Variants in PELI2 observed in about 807,000 individuals in gnomAD.
PELI2 encodes the protein pellino E3 ubiquitin protein ligase family member 2.
In PELI2, 23 loss-of-function variants were observed where a neutral mutation model predicts 42.3. The ratio of observed to expected loss-of-function variants is 0.54; its 90% CI spans 0.39 to 0.77. The LOEUF is 0.77. Ranked by LOEUF, PELI2 falls within the 30% of genes least tolerant of loss-of-function variation. The pLI, the probability that PELI2 is intolerant of heterozygous loss-of-function variation, is 0.00. For missense variants in PELI2, 463 were observed against 553.2 expected, an observed-to-expected ratio of 0.84 and a Z score of 1.64; for synonymous variants, 245 against 212.2, an observed-to-expected ratio of 1.15 and a Z score of -1.34.
At position 56,215,285 on chromosome 14, in the gene PELI2, C is replaced by T. The variant is rs1471999922; in HGVS notation, c.207+36821C>T. 3.9e-5 allele frequency among the ~76,000 whole-genome samples: 6 copies of T among 152,320 alleles called. No individual in the cohort carries two copies. The South Asian group carries it at 8.3e-4, about 21-fold the overall frequency. On this transcript the variant is annotated intron_variant, in intron 2 of 5. Transcript: ENST00000267460. ...TTTAATGTGTCTTGGAGGCTACACC[C>T]TTTTCATGGGCACCAAGGGGTTTGG...
chr14:56,119,934 T>C, intron 1 of PELI2: 1 of 648,532 alleles, frequency 1.5e-6, no homozygotes, highest in Non-Finnish European at 1.9e-6. Context: ...CGTGTTTTGA[T>C]AAGTGAGTGC....
At chr14:56,132,865 T>G (rs1448065586) in intron 1 of PELI2, among the ~76,000 whole-genome samples, 1 of 152,204 alleles carries the variant, frequency 6.6e-6, no homozygotes, top group Non-Finnish European at 1.5e-5. Flanking sequence ...TCTCATTGAT[T>G]CCTACAACTT....
rs147820715 is a variant in PELI2, at chr14:56,151,667, A to G, written c.78-26668A>G. On this transcript the variant is annotated intron_variant, in intron 1 of 5. Coordinates refer to ENST00000267460, the MANE Select transcript of PELI2 (RefSeq NM_021255.3). ...TGAGGATATTAACAGGGCCTCCCCT[A>G]TAAGTTTGAGATTAACTGAGTTATT... Among the ~76,000 whole-genome samples, 334 of 152,334 alleles carry G rather than the reference A, an allele frequency of 2.2e-3. 1 individual carries two copies. Among genetic ancestry groups the G allele is most frequent in the Middle Eastern group, 0.01 (3 of 294 alleles).
intron 2 of PELI2, among the ~76,000 whole-genome samples, chr14:56,240,525 T>C (rs76049415): frequency 0.013 from 1,960 of 152,112 alleles, 18 homozygotes; most frequent in Non-Finnish European, 0.019. Flanking sequence ...GGTTGGTCAG[T>C]GAGGGGGTAA....
intron 2 of PELI2, among the ~76,000 whole-genome samples, chr14:56,183,438 GA>G (rs201827998): frequency 6.6e-6 from 1 of 151,830 alleles, no homozygotes; most frequent in Non-Finnish European, 1.5e-5. Flanking sequence ...CAAGGCAAAG[GA>G]AAAAAAATTT....
At position 56,219,830 on chromosome 14, in the gene PELI2, C is replaced by T. The variant is rs116838963; in HGVS notation, c.207+41366C>T. The stretch of plus-strand genomic sequence containing the variant: ...GTTTGTAACTTGCCCCATTCCACAG[C>T]GGACTTGAGGCAGCTGACATTCTTA... On this transcript the variant is annotated intron_variant, in intron 2 of 5. Coordinates refer to ENST00000267460, the MANE Select transcript of PELI2 (RefSeq NM_021255.3). This position sits in a 1 kb window ranked among gnomAD's most constrained non-coding sequence, Gnocchi z 4.1. Among the ~76,000 whole-genome samples, 909 of 152,262 alleles carry T rather than the reference C, an allele frequency of 6.0e-3. 10 individuals carry two copies. Among genetic ancestry groups the T allele is most frequent in the African/African-American group, 0.021 (865 of 41,554 alleles).
At chr14:56,226,676 C>T (rs1460719046) in intron 2 of PELI2, among the ~76,000 whole-genome samples, 1 of 152,168 alleles carries the variant, frequency 6.6e-6, no homozygotes, top group East Asian at 1.9e-4. Context: ...ATTCTGTGAG[C>T]TGTTGGAAAC....
At chr14:56,189,857 G>A (rs1885896849) in intron 2 of PELI2, among the ~76,000 whole-genome samples, 3 of 152,140 alleles carry the variant, frequency 2.0e-5, no homozygotes. Flanking sequence ...AGCAGTGAAG[G>A]TTTAACAATG....
intron 2 of PELI2, among the ~76,000 whole-genome samples, chr14:56,224,994 C>T (rs1737075973): frequency 6.6e-6 from 1 of 152,154 alleles, no homozygotes; most frequent in South Asian, 2.1e-4. Context: ...TGCTCTGCCT[C>T]ATTTGAAGTT....
chr14:56,200,250 G>A (rs1175763161), intron 2 of PELI2, among the ~76,000 whole-genome samples: 1 of 152,242 alleles, frequency 6.6e-6, no homozygotes, highest in Non-Finnish European at 1.5e-5. Context: ...TGCTTATTCT[G>A]TGTCATACAG....
chr14:56,168,236 G>A (rs1594603856), intron 1 of PELI2, among the ~76,000 whole-genome samples: 1 of 151,076 alleles, frequency 6.6e-6, no homozygotes, highest in East Asian at 2.0e-4. Context: ...AACCAGCCAG[G>A]CTGTGTCCTT....
intron 2 of PELI2, among the ~76,000 whole-genome samples, chr14:56,239,898 A>T (rs968285085): frequency 6.6e-6 from 1 of 152,168 alleles, no homozygotes; most frequent in Non-Finnish European, 1.5e-5. Context: ...AATGACAAGG[A>T]GGATGGATAA....
chr14:56,291,445 T>C (rs988385671), intron 5 of PELI2, among the ~76,000 whole-genome samples: 1 of 152,170 alleles, frequency 6.6e-6, no homozygotes, highest in Non-Finnish European at 1.5e-5. Flanking sequence ...TTTTACACCA[T>C]TTTTCAGCTT....
chr14:56,118,616 G>GGCGGCGGCGTCGGCGGCGGCGT lies in PELI2; in HGVS notation c.-45_-44insGCGGCGGCGTCGGCGGCGGCGT, dbSNP rs1566589843. ...CGCGGACTCGGCGGGGATCGCGGCG[G>GGCGGCGGCGTCGGCGGCGGCGT]AGGCGGCGGCGTCGGCGGCGGCGTC... On this transcript the variant is annotated 5_prime_UTR_variant, in exon 1 of 6. Coordinates refer to ENST00000267460, the MANE Select transcript of PELI2 (RefSeq NM_021255.3). 1 of 1,238,024 alleles carries GGCGGCGGCGTCGGCGGCGGCGT rather than the reference G, an allele frequency of 8.1e-7. No homozygotes were observed. The highest frequency in any genetic ancestry group is 1.7e-5 in the African/African-American group (1 of 59,634). 76.7% of individuals were successfully genotyped at this position (1,238,024 alleles called of 1,614,324 possible).
In PELI2 at chr14:56,269,076, A is replaced by T. The variant is rs139058645; in HGVS notation, c.208-10600A>T. Among the ~76,000 whole-genome samples, 287 of 152,326 alleles carry T rather than the reference A, an allele frequency of 1.9e-3. 1 individual carries two copies. The highest frequency in any genetic ancestry group is 6.6e-3 in the African/African-American group (274 of 41,580). ...TTATATAGATATGTGACTGAGTCAC[A>T]GCATTCTTATGTGGGAAAGCTACAC... On this transcript the variant is annotated intron_variant, in intron 2 of 5. Transcript: ENST00000267460.
chr14:56,173,237 A>G (rs1190926581), intron 1 of PELI2, among the ~76,000 whole-genome samples: 1 of 152,136 alleles, frequency 6.6e-6, no homozygotes, highest in Non-Finnish European at 1.5e-5. Context: ...TGTGCATCCA[A>G]ACGGGTTACC....
chr14:56,118,977 A>T (rs978056379), intron 1 of PELI2: 1 of 224,910 alleles, frequency 4.4e-6, no homozygotes, highest in African/African-American at 2.3e-5. Flanking sequence ...CGGCGGAGGA[A>T]GTGGCCAGAA....
chr14:56,213,014 G>C (rs1440936263), intron 2 of PELI2, among the ~76,000 whole-genome samples: 1 of 152,250 alleles, frequency 6.6e-6, no homozygotes, highest in East Asian at 1.9e-4. Context: ...CCCTGGCTTA[G>C]AAGTGGATGG....
chr14:56,160,996 C>T (rs1884741399), intron 1 of PELI2, among the ~76,000 whole-genome samples: 1 of 152,014 alleles, frequency 6.6e-6, no homozygotes, highest in Admixed American at 6.6e-5. Flanking sequence ...TTTAAGGTTC[C>T]CTGTAGAGGT....
Sources: gnomAD v4.1 joint callset for allele counts (sites outside exome capture counted in the v4.1 genomes callset) on GRCh38, gnomAD v4.1.1 for gene constraint, Gnocchi (gnomAD v3.1) non-coding constraint, MANE v1.5 for transcripts, NCBI Gene and HGNC (gene_info 2026-07-23, HGNC 2026-07-21) for gene names.